Variants in KCNMA1 observed in about 807,000 individuals in gnomAD.
KCNMA1 encodes Calcium-activated potassium channel subunit alpha-1.
A neutral mutation model predicts 140.0 loss-of-function variants in KCNMA1; 29 were observed. That is an observed-to-expected ratio of 0.21 (90% CI 0.15 to 0.28). The LOEUF is 0.28. Among genes scored for constraint, KCNMA1 ranks in the 10% least tolerant of loss-of-function variants. The probability of loss-of-function intolerance (pLI) is 1.00; values close to 1 mark genes in which losing one functional copy is unlikely to be tolerated. For synonymous variants in KCNMA1, 612 were observed against 611.9 expected (o/e 1.00, Z 0.00); for missense variants, 880 against 1,602.2 (o/e 0.55, Z 7.70).
chr10:77,193,590 T>C (rs568149617), intron 3 of KCNMA1, among the ~76,000 whole-genome samples: 3 of 152,162 alleles, frequency 2.0e-5, no homozygotes, highest in South Asian at 4.1e-4. Context: ...AGAGTGAAAG[T>C]TCTTCGAGGG....
intron 3 of KCNMA1, among the ~76,000 whole-genome samples, chr10:77,200,462 G>A (rs2042097282): frequency 6.6e-6 from 1 of 152,130 alleles, no homozygotes; most frequent in South Asian, 2.1e-4. Context: ...AATATCCTGG[G>A]AAATACCCCT....
At chr10:77,580,237 C>G (rs891724197) in intron 1 of KCNMA1, among the ~76,000 whole-genome samples, 2 of 151,822 alleles carry the variant, frequency 1.3e-5, no homozygotes, top group Non-Finnish European at 2.9e-5. Context: ...AAAAATTAGC[C>G]GGGCGTGGTG....
At chr10:77,282,753 T>G (rs1366865187) in intron 2 of KCNMA1, among the ~76,000 whole-genome samples, 1 of 117,322 alleles carries the variant, frequency 8.5e-6, no homozygotes, top group Non-Finnish European at 2.0e-5. Context: ...GCTGGGCGGG[T>G]GGTGTGCTCT....
At chr10:77,180,427 C>A (rs2098793953) in intron 5 of KCNMA1, among the ~76,000 whole-genome samples, 1 of 152,188 alleles carries the variant, frequency 6.6e-6, no homozygotes, top group African/African-American at 2.4e-5. Flanking sequence ...TTAGATTTCA[C>A]CCAAGGAGAT....
At chr10:76,974,908 A>G (rs10824478) in intron 19 of KCNMA1, among the ~76,000 whole-genome samples, 41,867 of 152,048 alleles carry the variant, frequency 0.28, 6,028 homozygotes, top group East Asian at 0.48. Context: ...GATCAGACCC[A>G]TTCTTTCCTG....
intron 1 of KCNMA1, among the ~76,000 whole-genome samples, chr10:77,599,082 TA>T (rs1410007215): frequency 6.6e-6 from 1 of 152,226 alleles, no homozygotes; most frequent in African/African-American, 2.4e-5. Flanking sequence ...TCTTCCTCCC[TA>T]AAAGTCAAAA....
At chr10:77,584,870 T>A (rs1244813826) in intron 1 of KCNMA1, among the ~76,000 whole-genome samples, 1 of 152,162 alleles carries the variant, frequency 6.6e-6, no homozygotes, top group African/African-American at 2.4e-5. Context: ...ACTTAAGGCT[T>A]CCACAGCACG....
rs547283133 is a variant in KCNMA1, at chr10:77,581,707, G to A, written c.378+55558C>T. On this transcript the variant is annotated intron_variant, in intron 1 of 27. Transcript: ENST00000286628. The stretch of plus-strand genomic sequence containing the variant: ...TACTCCCTCCACTCTCAGCCTCCTT[G>A]AGAAGCACCTTTCCTCTCTCGGCCA... Among the ~76,000 whole-genome samples the A allele has an allele frequency of 2.0e-5, 3 of 152,332 alleles. No homozygotes were observed. In the South Asian group the frequency reaches 6.2e-4, roughly 32 times the overall value.
At chr10:77,507,252 C>T (rs990065373) in intron 1 of KCNMA1, among the ~76,000 whole-genome samples, 7 of 151,816 alleles carry the variant, frequency 4.6e-5, no homozygotes, top group African/African-American at 1.5e-4. Flanking sequence ...CGTTTGGCTC[C>T]CTGTTAAACA....
chr10:77,215,661 G>A (rs922350198), intron 3 of KCNMA1, among the ~76,000 whole-genome samples: 14 of 152,184 alleles, frequency 9.2e-5, no homozygotes, highest in East Asian at 7.7e-4. Flanking sequence ...GTTAAACATC[G>A]AGATACCATA....
intron 3 of KCNMA1, among the ~76,000 whole-genome samples, chr10:77,244,177 C>T (rs1338682756): frequency 6.6e-6 from 1 of 152,230 alleles, no homozygotes; most frequent in East Asian, 1.9e-4. Flanking sequence ...TATCTTCCAG[C>T]TCCAGCTCTG....
At chr10:77,475,488 C>T (rs186718097) in intron 1 of KCNMA1, among the ~76,000 whole-genome samples, 108 of 152,278 alleles carry the variant, frequency 7.1e-4, no homozygotes, top group African/African-American at 2.4e-3. Flanking sequence ...TCCTTACACA[C>T]GCTTAGTGGT....
chr10:77,328,663 T>C (rs1243668093), intron 2 of KCNMA1, among the ~76,000 whole-genome samples: 1 of 152,186 alleles, frequency 6.6e-6, no homozygotes, highest in Non-Finnish European at 1.5e-5. Flanking sequence ...TGCAAATAGT[T>C]GAAGACCTCT....
chr10:77,399,188 G>A (rs2096177184), intron 2 of KCNMA1, among the ~76,000 whole-genome samples: 1 of 152,044 alleles, frequency 6.6e-6, no homozygotes, highest in Non-Finnish European at 1.5e-5. Flanking sequence ...ACAATCTCTG[G>A]TGCAAAACAC....
At chr10:77,608,536 C>A (rs1404364349) in intron 1 of KCNMA1, among the ~76,000 whole-genome samples, 3 of 152,054 alleles carry the variant, frequency 2.0e-5, no homozygotes, top group Admixed American at 2.0e-4. Flanking sequence ...GATGCACCCC[C>A]ACACACACAC....
At chr10:77,410,884 G>A (rs1050604222) in intron 1 of KCNMA1, among the ~76,000 whole-genome samples, 2 of 152,174 alleles carry the variant, frequency 1.3e-5, no homozygotes, top group East Asian at 1.9e-4. Flanking sequence ...ACCTCATCCC[G>A]ACCTCTCCCT....
intron 1 of KCNMA1, among the ~76,000 whole-genome samples, chr10:77,590,232 G>T (rs113797354): frequency 0.091 from 13,808 of 152,310 alleles, 817 homozygotes; most frequent in Middle Eastern, 0.15. Context: ...AGTGGATCCC[G>T]CACCGGGGCC....
intron 1 of KCNMA1, among the ~76,000 whole-genome samples, chr10:77,474,609 AG>A (rs1189818615): frequency 6.6e-6 from 1 of 152,064 alleles, no homozygotes; most frequent in East Asian, 1.9e-4. Flanking sequence ...GGGGCGCGGT[AG>A]GGTGTGCCCT....
At chr10:77,157,381 C>A (rs977863412) in intron 5 of KCNMA1, among the ~76,000 whole-genome samples, 2 of 152,158 alleles carry the variant, frequency 1.3e-5, no homozygotes, top group African/African-American at 4.8e-5. Context: ...GTTTGTCTAA[C>A]TTATTTACTT....
Sources: gnomAD v4.1 joint callset for allele counts (sites outside exome capture counted in the v4.1 genomes callset) on GRCh38, gnomAD v4.1.1 for gene constraint, MANE v1.5 for transcripts, NCBI Gene and HGNC (gene_info 2026-07-23, HGNC 2026-07-21) for gene names.